Variants in EPHB2 observed in about 807,000 individuals in gnomAD.
EPHB2 encodes EPH receptor B2.
Under a neutral mutation model 96.4 loss-of-function variants are expected in EPHB2, and 18 were observed. The observed-to-expected ratio is 0.19, with a 90% CI of 0.13 to 0.28. The LOEUF is 0.28. Ranked by LOEUF, EPHB2 falls within the 10% of genes least tolerant of loss-of-function variation. The probability of loss-of-function intolerance (pLI) is 1.00; values close to 1 mark genes in which losing one functional copy is unlikely to be tolerated. For missense variants in EPHB2, 989 were observed against 1,355.4 expected, an observed-to-expected ratio of 0.73 and a Z score of 4.25; for synonymous variants, 506 against 534.1, an observed-to-expected ratio of 0.95 and a Z score of 0.72.
chr1:22,799,153 C>T (rs994529424), intron 3 of EPHB2, among the ~76,000 whole-genome samples: 21 of 152,254 alleles, frequency 1.4e-4, no homozygotes, highest in Non-Finnish European at 3.1e-4. Context: ...CACTTCCCCT[C>T]GCTCCTCCCT....
intron 2 of EPHB2, among the ~76,000 whole-genome samples, chr1:22,782,749 TG>T (rs1644553316): frequency 6.6e-6 from 1 of 152,116 alleles, no homozygotes; most frequent in South Asian, 2.1e-4. Flanking sequence ...AACAAGGGGC[TG>T]ACTTTGTCAC....
intron 5 of EPHB2, among the ~76,000 whole-genome samples, chr1:22,876,412 G>T (rs538911680): frequency 2.6e-5 from 4 of 152,210 alleles, no homozygotes; most frequent in Non-Finnish European, 5.9e-5. Flanking sequence ...GAAGGAAACG[G>T]AGGCACACAG....
chr1:22,771,084 C>A (rs1415044213), intron 1 of EPHB2, among the ~76,000 whole-genome samples: 1 of 152,112 alleles, frequency 6.6e-6, no homozygotes, highest in Non-Finnish European at 1.5e-5. Flanking sequence ...ATGATGTCAG[C>A]AGGAAAGAGC....
chr1:22,712,999 C>T (rs1190803950), intron 1 of EPHB2, among the ~76,000 whole-genome samples: 3 of 152,252 alleles, frequency 2.0e-5, no homozygotes, highest in African/African-American at 4.8e-5. Flanking sequence ...GTCCAGCCAT[C>T]GCCCTGGCAG....
chr1:22,795,860 C>A (rs545313295), intron 3 of EPHB2, among the ~76,000 whole-genome samples: 1 of 152,092 alleles, frequency 6.6e-6, no homozygotes, highest in African/African-American at 2.4e-5. Flanking sequence ...GACAGCTCCC[C>A]CCGCCGGGGG....
At chr1:22,903,220 G>T (rs1639805102) in intron 9 of EPHB2, among the ~76,000 whole-genome samples, 1 of 152,224 alleles carries the variant, frequency 6.6e-6, no homozygotes. Flanking sequence ...GGTTTGAGCT[G>T]CTGTACTTCC....
intron 5 of EPHB2, among the ~76,000 whole-genome samples, chr1:22,867,444 G>A (rs1466106250): frequency 2.6e-5 from 4 of 152,166 alleles, no homozygotes; most frequent in Non-Finnish European, 5.9e-5. Context: ...TGGGAATGTT[G>A]GTGGTGTTGC....
At chr1:22,824,018 T>C (rs1357759782) in intron 3 of EPHB2, among the ~76,000 whole-genome samples, 1 of 152,002 alleles carries the variant, frequency 6.6e-6, no homozygotes, top group African/African-American at 2.4e-5. Context: ...GGAAGATAGG[T>C]TGATGGATGG....
chr1:22,811,768 G>T (rs553311801), intron 3 of EPHB2, among the ~76,000 whole-genome samples: 2 of 152,368 alleles, frequency 1.3e-5, no homozygotes, highest in East Asian at 3.9e-4. Flanking sequence ...GCCGGGGGCA[G>T]TGGCTCATGC....
chr1:22,723,927 A>G (rs72879163), intron 1 of EPHB2, among the ~76,000 whole-genome samples: 1 of 152,214 alleles, frequency 6.6e-6, no homozygotes, highest in Non-Finnish European at 1.5e-5. Context: ...AGGAGCAGGC[A>G]CTGGGCTTAG....
At chr1:22,715,530 A>C (rs1643271267) in intron 1 of EPHB2, among the ~76,000 whole-genome samples, 1 of 151,728 alleles carries the variant, frequency 6.6e-6, no homozygotes, top group African/African-American at 2.4e-5. Context: ...TTTTCCTTTT[A>C]TGTCTGTTTC....
intron 8 of EPHB2, 124 bp from the exon 9 acceptor site, chr1:22,896,290 C>T (rs1639559188): frequency 8.2e-7 from 1 of 1,216,808 alleles, no homozygotes; most frequent in African/African-American, 1.5e-5. Context: ...AAGGGGCAGG[C>T]AGGGAGCCCT....
intron 6 of EPHB2, among the ~76,000 whole-genome samples, chr1:22,885,239 T>C (rs1381142390): frequency 2.6e-5 from 4 of 151,340 alleles, no homozygotes; most frequent in Non-Finnish European, 5.9e-5. Flanking sequence ...AAAAAACTAA[T>C]TAAGAAGCTT....
rs115583369 is a variant in EPHB2 at position 22,767,030 on chromosome 1, G to T, written c.62-14391G>T. Among the ~76,000 whole-genome samples, 890 of 152,320 alleles carry T rather than the reference G, an allele frequency of 5.8e-3. 11 individuals carry two copies. The highest frequency in any genetic ancestry group is 0.02 in the African/African-American group (841 of 41,566). On this transcript the variant is annotated intron_variant, in intron 1 of 15. Coordinates refer to ENST00000374630, the MANE Select transcript of EPHB2 (RefSeq NM_017449.5). Reference sequence around the variant, plus strand: ...CTGTTTGGCTCAGGAACAAGGCCGGGTCTGCCATGTTTGTGGGCTTAGCAC... The same window carrying T: ...CTGTTTGGCTCAGGAACAAGGCCGGTTCTGCCATGTTTGTGGGCTTAGCAC...
chr1:22,791,042 CCT>C (rs1378638479), intron 3 of EPHB2, among the ~76,000 whole-genome samples: 1 of 152,166 alleles, frequency 6.6e-6, no homozygotes, highest in East Asian at 1.9e-4. Flanking sequence ...AGCCACTGAC[CCT>C]CTCCCAACCT....
intron 3 of EPHB2, among the ~76,000 whole-genome samples, chr1:22,796,927 A>G (rs1167287622): frequency 6.6e-6 from 1 of 152,232 alleles, no homozygotes; most frequent in Non-Finnish European, 1.5e-5. Flanking sequence ...CAGCTAATGG[A>G]CAGAGGAGCC....
chr1:22,763,631 G>A (rs985983257), intron 1 of EPHB2, among the ~76,000 whole-genome samples: 4 of 152,196 alleles, frequency 2.6e-5, no homozygotes, highest in Non-Finnish European at 4.4e-5. Context: ...ATCACGGGGT[G>A]TGAGAGATGG....
Position 22,784,296 on chromosome 1 carries a change from G to C in EPHB2, c.127-96G>C. On this transcript the variant is annotated intron_variant, in intron 2 of 15. Coordinates refer to ENST00000374630, the MANE Select transcript of EPHB2 (RefSeq NM_017449.5). The surrounding 1 kb of genome is among the most constrained non-coding windows in gnomAD (Gnocchi z 5.1). ...TGATGTCTTCACCATTAGACTGGAG[G>C]GTTCCCTAAGGCAGAGTCTGTGTCT... 1 of 1,204,034 alleles carries C rather than the reference G, an allele frequency of 8.3e-7. No individual in the cohort carries two copies. The highest frequency in any genetic ancestry group is 1.3e-5 in the South Asian group (1 of 78,554). 74.6% of individuals were successfully genotyped at this position (1,204,034 alleles called of 1,614,324 possible).
At chr1:22,814,453 G>A (rs1025191185) in intron 3 of EPHB2, among the ~76,000 whole-genome samples, 4 of 152,120 alleles carry the variant, frequency 2.6e-5, no homozygotes, top group Admixed American at 6.5e-5. Context: ...TACCTATGCA[G>A]GGTGATGCTG....
Sources: allele counts gnomAD v4.1 joint callset (sites outside exome capture counted in the v4.1 genomes callset), GRCh38; gene constraint gnomAD v4.1.1; non-coding constraint Gnocchi (gnomAD v3.1); transcripts MANE v1.5; gene names NCBI Gene and HGNC (gene_info 2026-07-23, HGNC 2026-07-21).